RECQL4: variants seen among roughly 807,000 people sequenced by gnomAD.
RECQL4 encodes the protein ATP-dependent DNA helicase Q4.
In RECQL4, 158 loss-of-function variants were observed where a neutral mutation model predicts 128.6. The ratio of observed to expected loss-of-function variants is 1.23; its 90% CI spans 1.08 to 1.40. The LOEUF (loss-of-function observed/expected upper bound fraction) is 1.40, where lower values mean the gene tolerates loss of function less well. Among genes scored for constraint, RECQL4 ranks in the 40% most tolerant of loss-of-function variants. The pLI, the probability that RECQL4 is intolerant of heterozygous loss-of-function variation, is 0.00. For missense variants in RECQL4, 2,293 were observed against 1,649.8 expected (o/e 1.39, Z -6.75); for synonymous variants, 996 against 678.9 (o/e 1.47, Z -7.26).
At position 144,516,772 on chromosome 8, in the gene RECQL4, G is replaced by T; in HGVS notation, c.355-8C>A. 6.6e-7 allele frequency: 1 copy of T among 1,517,720 alleles called. No homozygotes were observed. The highest frequency in any genetic ancestry group is 1.3e-5 in the South Asian group (1 of 74,386). 94.0% of individuals were successfully genotyped at this position (1,517,720 alleles called of 1,614,324 possible). On this transcript the variant is annotated splice_polypyrimidine_tract_variant and splice_region_variant and intron_variant, in intron 4 of 20. Transcript: ENST00000617875. ...GCCCAGGGCTGGTCCGGCCTGGGAG[G>T]GGAACAACAGAACAGCAGGAGGAAC...
rs36078464 is a variant in RECQL4 at position 144,511,990 on chromosome 8, C to T, written c.3314G>A (p.Gly1105Asp). Residue 1105 changes from glycine (G) to aspartate (D), a missense_variant, in exon 19 of 21, where the codon GGC (glycine) becomes GAC (aspartate). Physicochemically the swap from Gly to Asp is moderately conservative, Grantham distance 94. Coordinates refer to ENST00000617875, the MANE Select transcript of RECQL4 (RefSeq NM_004260.4). The stretch of plus-strand genomic sequence containing the variant: ...CCCTTCCTCTTCCTCAAAGTAGCGG[C>T]CGAGCAGGTCCTTGAGCCTGGTGCT... Reference protein sequence around the residue: ...ERSTRLKDLLGRYFEEEEGQE... With the variant: ...ERSTRLKDLLDRYFEEEEGQE... 8,519 of 1,610,530 alleles carry T rather than the reference C, an allele frequency of 5.3e-3. 27 individuals carry two copies. The highest frequency in any genetic ancestry group is 0.012 in the Middle Eastern group (73 of 6,058).
chr8:144,515,606 ATCG>A (rs1349903108), intron 6 of RECQL4, 149 bp from the exon 7 acceptor site: 16 of 1,466,548 alleles, frequency 1.1e-5, no homozygotes, highest in Non-Finnish European at 1.4e-5. Context: ...AGTGACAGCC[ATCG>A]TCGTCCCTGC....
intron 6 of RECQL4, 70 bp from the exon 7 acceptor site, chr8:144,515,527 C>T (rs1266648568): frequency 5.6e-6 from 9 of 1,605,402 alleles, no homozygotes; most frequent in Admixed American, 1.7e-5. Context: ...CACAACCTCT[C>T]CTTCCCCCAA....
chr8:144,513,661 T>C lies in RECQL4; in HGVS notation c.2110A>G (p.Ile704Val), dbSNP rs1395124919. The C allele has an allele frequency of 1.3e-6, 2 of 1,564,592 alleles. No individual in the cohort carries two copies. The highest frequency in any genetic ancestry group is 2.4e-5 in the East Asian group (1 of 42,014). The change falls in exon 13 of 21, where the codon ATC becomes GTC. Residue 704 changes from isoleucine to valine, a missense_variant. By Grantham distance (29) the Ile-to-Val change is conservative (BLOSUM62 3). Transcript: ENST00000617875. Reference sequence around the variant, plus strand: ...TCCTCGCGCCGGTTGCAGTAAATGATAATGGAATCGAGGTTTTGAAAACGT... The same window carrying C: ...TCCTCGCGCCGGTTGCAGTAAATGACAATGGAATCGAGGTTTTGAAAACGT... ...GKRFQNLDSI[I>V]IYCNRREDTE...
In RECQL4 at chr8:144,511,468, C is replaced by T. The variant is rs546643758; in HGVS notation, c.3590G>A (p.Gly1197Asp). The change falls in exon 21 of 21, where the codon GGC (glycine) becomes GAC (aspartate). Residue 1197 changes from glycine (G) to aspartate (D), a missense_variant. By Grantham distance (94) the Gly-to-Asp change is moderately conservative (BLOSUM62 -1). Coordinates refer to ENST00000617875, the MANE Select transcript of RECQL4 (RefSeq NM_004260.4). ...CTGCAGGAGCTCTTCCGTGGCCAGG[C>T]CCACCAGGGCATGGAAGCTCAGGTG... ...YLHLSFHALVGLATEELLQVA... is the reference protein window; with the variant it reads ...YLHLSFHALVDLATEELLQVA... 1.1e-5 allele frequency: 17 copies of T among 1,612,548 alleles called. No individual in the cohort carries two copies. Among genetic ancestry groups the T allele is most frequent in the Non-Finnish European group, 1.4e-5 (17 of 1,179,752 alleles).
At position 144,514,171 on chromosome 8, in the gene RECQL4, A is replaced by G. The variant is rs765897345; in HGVS notation, c.1878+18T>C. ...CATCCCGGCCCTGGCCGCCCACCCC[A>G]GTTCACATATGGCTCACCTTGCAGA... On this transcript the variant is annotated intron_variant, in intron 11 of 20. Transcript: ENST00000617875. 10 of 1,611,892 alleles carry G rather than the reference A, an allele frequency of 6.2e-6. No homozygotes were observed. The highest frequency in any genetic ancestry group is 8.5e-6 in the Non-Finnish European group (10 of 1,179,596).
Position 144,515,759 on chromosome 8 carries a change from C to G in RECQL4, c.1258+5G>C, listed in dbSNP as rs1828073339. ...CGGACCCACCCTCCAGGGCAGATGT[C>G]TCACCTGGCCGGGGACACTGGGCTG... is the stretch of plus-strand genomic sequence containing the variant. On this transcript the variant is annotated splice_donor_5th_base_variant and intron_variant, in intron 6 of 20. Transcript: ENST00000617875. 1 of 1,612,088 alleles carries G rather than the reference C, an allele frequency of 6.2e-7. No homozygotes were observed. Among genetic ancestry groups the G allele is most frequent in the East Asian group, 2.2e-5 (1 of 44,856 alleles).
Position 144,516,492 on chromosome 8 carries a change from C to G in RECQL4, c.627G>C (p.Arg209Ser). ...GTGATTCCTCTGAGCCTAGATCAGG[C>G]CTGCAGGCTTTGGGGGCCCCCAGAA... is the stretch of plus-strand genomic sequence containing the variant. Reference protein sequence around the residue: ...PDFLGAPKACRPDLGSEESQL... With the variant: ...PDFLGAPKACSPDLGSEESQL... The change falls in exon 5 of 21, where the codon AGG becomes AGC. Residue 209 changes from arginine to serine, a missense_variant. Transcript: ENST00000617875. 6.2e-7 allele frequency: 1 copy of G among 1,609,046 alleles called. No individual in the cohort carries two copies. Among genetic ancestry groups the G allele is most frequent in the African/African-American group, 1.3e-5 (1 of 75,068 alleles).
At chr8:144,515,932 C>T (rs763839566) in intron 5 of RECQL4, 42 bp from the exon 6 acceptor site, 36 of 1,612,084 alleles carry the variant, frequency 2.2e-5, no homozygotes, top group South Asian at 1.3e-4. Context: ...GCGGGAAATA[C>T]GGGAGGGCTG....
In RECQL4 at chr8:144,512,747, A is replaced by G. The variant is rs774274636; in HGVS notation, c.2780T>C (p.Leu927Pro). Reference sequence around the variant, plus strand: ...CAGCCAGTGGTGTGGGTGCAGCTCCAGGTAGCACAGCAAAGTCTCGATGGC... The same window carrying G: ...CAGCCAGTGGTGTGGGTGCAGCTCCGGGTAGCACAGCAAAGTCTCGATGGC... ...EEAIETLLCY[L>P]ELHPHHWLEL... The change falls in exon 16 of 21, where the codon CTG (leucine) becomes CCG (proline). Residue 927 changes from leucine (L) to proline (P), a missense_variant. Coordinates refer to ENST00000617875, the MANE Select transcript of RECQL4 (RefSeq NM_004260.4). 19 of 1,612,002 alleles carry G rather than the reference A, an allele frequency of 1.2e-5. No individual in the cohort carries two copies. The Admixed American group carries it at 2.8e-4, about 24-fold the overall frequency.
rs2130745315 is a variant in RECQL4 at position 144,517,713 on chromosome 8, C to T, written c.72G>A (p.Arg24=). ...GGGCAGCCCGCACCTGGCTCGGTCG[C>T]CGCCCGCGCTGCCGTCGGAACGCGC... ...WERAFRRQRG[R]RPSQDDVEAA... The change falls in exon 1 of 21, where the codon CGG becomes CGA. Residue 24 remains arginine (R), a synonymous_variant. Transcript: ENST00000617875. 1 of 1,363,812 alleles carries T rather than the reference C, an allele frequency of 7.3e-7. No individual in the cohort carries two copies. Among genetic ancestry groups the T allele is most frequent in the Non-Finnish European group, 9.4e-7 (1 of 1,058,232 alleles). 84.5% of individuals were successfully genotyped at this position (1,363,812 alleles called of 1,614,324 possible). A position where few individuals can be genotyped will look rare whatever the true frequency, so the allele number is the denominator to read the frequency against.
rs372741479 is a variant in RECQL4, at chr8:144,513,343, G to A, written c.2338C>T (p.Arg780Trp). 33 of 1,604,602 alleles carry A rather than the reference G, an allele frequency of 2.1e-5. No homozygotes were observed. Among genetic ancestry groups the A allele is most frequent in the African/African-American group, 5.3e-5 (4 of 74,926 alleles). The change falls in exon 14 of 21, where the codon CGG (arginine) becomes TGG (tryptophan). Residue 780 changes from arginine to tryptophan, a missense_variant. By Grantham distance (101) the Arg-to-Trp change is moderately radical. Transcript: ENST00000617875. ...ATVAFGMGLD[R>W]PDVRAVLHLG... ...TGCAGCACAGCCCGCACATCTGGCC[G>A]GTCCAGCCCCATCCCAAAGGCCACC...
intron 6 of RECQL4, 131 bp downstream of exon 6, chr8:144,515,633 G>A (rs1828046388): frequency 1.1e-5 from 16 of 1,447,658 alleles, no homozygotes; most frequent in Non-Finnish European, 1.4e-5. Context: ...CCTCCTTCAG[G>A]GGAGCTAGGG....
At chr8:144,515,601 C>A in intron 6 of RECQL4, 144 bp from the exon 7 acceptor site, 1 of 1,469,850 alleles carries the variant, frequency 6.8e-7, no homozygotes, top group South Asian at 1.3e-5. Context: ...AAAAGAGTGA[C>A]AGCCATCGTC....
At chr8:144,515,635 G>C in intron 6 of RECQL4, 129 bp downstream of exon 6, 1 of 1,452,094 alleles carries the variant, frequency 6.9e-7, no homozygotes. Flanking sequence ...TCCTTCAGGG[G>C]AGCTAGGGTA....
Position 144,516,176 on chromosome 8 carries a change from ATGGGCTG to A in RECQL4, c.936_942del (p.Ser313ArgfsTer44). ...CTGAGTCCGTGGTACCTGGGGTTCG[ATGGGCTG>A]CTGCAGGGCTGAGGTGGCTGTGCCT... is the stretch of plus-strand genomic sequence containing the variant. On this transcript the variant is annotated frameshift_variant, in exon 5 of 21. Coordinates refer to ENST00000617875, the MANE Select transcript of RECQL4 (RefSeq NM_004260.4). LOFTEE classifies it high-confidence loss of function. 6.2e-7 allele frequency: 1 copy of A among 1,613,348 alleles called. No individual in the cohort carries two copies. The highest frequency in any genetic ancestry group is 8.5e-7 in the Non-Finnish European group (1 of 1,179,826).
At position 144,513,574 on chromosome 8, in the gene RECQL4, C is replaced by T. The variant is rs1364066465; in HGVS notation, c.2197G>A (p.Gly733Arg). The T allele has an allele frequency of 4.3e-6, 7 of 1,610,802 alleles. No individual in the cohort carries two copies. Among genetic ancestry groups the T allele is most frequent in the Non-Finnish European group, 5.9e-6 (7 of 1,179,120 alleles). The change falls in exon 13 of 21, where the codon GGA (glycine) becomes AGA (arginine). Residue 733 changes from glycine to arginine, a missense_variant. By Grantham distance (125) the Gly-to-Arg change is moderately radical. Coordinates refer to ENST00000617875, the MANE Select transcript of RECQL4 (RefSeq NM_004260.4). ...ACCAGCTCTGTCCATGCCGCACCTC[C>T]AGACCCTGGGACCCAGGCTGCGTGC... ...CLHAAWVPGS[G>R]GRAPKTTAEA...
rs1195462139 is a variant in RECQL4, at chr8:144,512,974, C to G, written c.2628G>C (p.Lys876Asn). Residue 876 changes from lysine (K) to asparagine (N), a missense_variant, in exon 15 of 21, where the codon AAG (lysine) becomes AAC (asparagine). Physicochemically the swap from Lys to Asn is moderately conservative, Grantham distance 94. Transcript: ENST00000617875. The part of the protein sequence containing the change: ...GAVGGERPVP[K>N]YPPQEAEQLS... Reference sequence around the variant, plus strand: ...GCTGCTCAGCCTCTTGAGGGGGGTACTTGGGCACAGGCCTCTCCCCACCCA... The same window carrying G: ...GCTGCTCAGCCTCTTGAGGGGGGTAGTTGGGCACAGGCCTCTCCCCACCCA... The G allele has an allele frequency of 1.3e-6, 2 of 1,570,852 alleles. No homozygotes were observed. Among genetic ancestry groups the G allele is most frequent in the Non-Finnish European group, 1.7e-6 (2 of 1,158,512 alleles).
rs1259051495 is a variant in RECQL4 at position 144,514,304 on chromosome 8, C to A, written c.1763G>T (p.Gly588Val). The change falls in exon 11 of 21, where the codon GGA becomes GTA. Residue 588 changes from glycine to valine, a missense_variant. Coordinates refer to ENST00000617875, the MANE Select transcript of RECQL4 (RefSeq NM_004260.4). ...MLTPEALVGA[G>V]GLPPAAQLPP... ...CAGCTGTGCGGCTGGAGGGAGGCCTCCCGCCCCCACCAGTGCCTCAGGTGT... is the reference window on the plus strand; with the variant it reads ...CAGCTGTGCGGCTGGAGGGAGGCCTACCGCCCCCACCAGTGCCTCAGGTGT... 3.7e-6 allele frequency: 6 copies of A among 1,609,952 alleles called. No individual in the cohort carries two copies. The highest frequency in any genetic ancestry group is 2.7e-5 in the African/African-American group (2 of 74,866).
Sources: allele counts gnomAD v4.1 joint callset, GRCh38; gene constraint gnomAD v4.1.1; transcripts MANE v1.5; gene names NCBI Gene and HGNC (gene_info 2026-07-23, HGNC 2026-07-21).